Variants in ANKRD36C observed in about 807,000 individuals in gnomAD.
The protein encoded by ANKRD36C is ankyrin repeat domain 36C.
ANKRD36C carries 61 observed loss-of-function variants against 276.4 expected under a neutral mutation model. That is an observed-to-expected ratio of 0.22 (90% CI 0.18 to 0.27). The LOEUF (loss-of-function observed/expected upper bound fraction) is 0.27, where lower values mean the gene tolerates loss of function less well. ANKRD36C is among the 10% of genes least tolerant of loss of function. The probability of loss-of-function intolerance (pLI) is 1.00; values close to 1 mark genes in which losing one functional copy is unlikely to be tolerated. For missense variants in ANKRD36C, 1,447 were observed against 2,032.3 expected, an observed-to-expected ratio of 0.71 and a Z score of 5.54; for synonymous variants, 483 against 680.1, an observed-to-expected ratio of 0.71 and a Z score of 4.51.
chr2:95,927,157 G>A, intron 28 of ANKRD36C, 57 bp downstream of exon 28: 2 of 1,598,182 alleles, frequency 1.3e-6, no homozygotes, highest in Non-Finnish European at 8.5e-7. Context: ...TTCCAGGGAA[G>A]AGAAGTACTT....
At chr2:95,857,214 T>A in intron 62 of ANKRD36C, 95 bp downstream of exon 82, 1 of 1,379,846 alleles carries the variant, frequency 7.2e-7, no homozygotes, top group Non-Finnish European at 9.5e-7. Context: ...ATTTGGGGAT[T>A]GTTCAGGCCT....
At chr2:95,968,803 G>C (rs904980648) in intron 6 of ANKRD36C, among the ~76,000 whole-genome samples, 2 of 152,138 alleles carry the variant, frequency 1.3e-5, no homozygotes, top group Admixed American at 6.5e-5. Context: ...ACTTCAAGTT[G>C]GGTTTCCCAG....
chr2:95,971,414 G>T (rs182054603), intron 6 of ANKRD36C, among the ~76,000 whole-genome samples: 1 of 150,490 alleles, frequency 6.6e-6, no homozygotes, highest in Non-Finnish European at 1.5e-5. Context: ...AGCTATGCAT[G>T]TGAGGGGGGA....
chr2:95,888,239 G>A, intron 48 of ANKRD36C, 119 bp from the exon 69 acceptor site: 2 of 1,528,610 alleles, frequency 1.3e-6, no homozygotes, highest in Admixed American at 1.8e-5. Flanking sequence ...AGGCTTTGAT[G>A]TTTTCTACTT....
intron 3 of ANKRD36C, among the ~76,000 whole-genome samples, chr2:95,986,425 T>C (rs1040954753): frequency 2.6e-5 from 4 of 152,218 alleles, no homozygotes; most frequent in South Asian, 2.1e-4. Flanking sequence ...CCTGTGTCAC[T>C]TCACACTGAT....
At chr2:95,893,665 T>G in intron 44 of ANKRD36C, 31 bp downstream of exon 63, 1 of 1,601,394 alleles carries the variant, frequency 6.2e-7, no homozygotes, top group East Asian at 2.3e-5. Context: ...ATACATTAAC[T>G]CGTTCACAAT....
At chr2:95,961,351 C>A (rs185776969) in intron 8 of ANKRD36C, among the ~76,000 whole-genome samples, 1 of 152,070 alleles carries the variant, frequency 6.6e-6, no homozygotes, top group East Asian at 1.9e-4. Context: ...AATATATAAA[C>A]CTCATCAAAA....
At chr2:95,926,452 T>A (rs2104432478) in intron 28 of ANKRD36C, among the ~76,000 whole-genome samples, 1 of 151,786 alleles carries the variant, frequency 6.6e-6, no homozygotes, top group East Asian at 1.9e-4. Context: ...ATTAAATTGC[T>A]ATTTTTATCC....
chr2:95,966,850 T>G (rs1418515421), intron 6 of ANKRD36C, among the ~76,000 whole-genome samples: 1 of 152,200 alleles, frequency 6.6e-6, no homozygotes, highest in East Asian at 1.9e-4. Context: ...AGTGGTGGTT[T>G]GTAGTTCTCC....
chr2:95,863,433 A>T (rs1356861978), intron 60 of ANKRD36C, among the ~76,000 whole-genome samples: 1 of 152,184 alleles, frequency 6.6e-6, no homozygotes, highest in Non-Finnish European at 1.5e-5. Context: ...ATACAATTAT[A>T]CATAAACTCT....
chr2:95,966,482 G>A (rs1339090761), intron 6 of ANKRD36C, among the ~76,000 whole-genome samples: 4 of 152,054 alleles, frequency 2.6e-5, no homozygotes, highest in Non-Finnish European at 5.9e-5. Context: ...TCGATGTATG[G>A]CATTATTTCT....
At chr2:95,880,892 G>A (rs1676062511) in intron 56 of ANKRD36C, among the ~76,000 whole-genome samples, 1 of 152,148 alleles carries the variant, frequency 6.6e-6, no homozygotes, top group Admixed American at 6.5e-5. Context: ...TATCAATGTG[G>A]ATATACTGAT....
At chr2:95,973,014 G>A (rs1442391656) in intron 6 of ANKRD36C, among the ~76,000 whole-genome samples, 1 of 152,190 alleles carries the variant, frequency 6.6e-6, no homozygotes, top group East Asian at 1.9e-4. Flanking sequence ...AACGGCTGAG[G>A]CAGGAAGATT....
chr2:95,888,361 A>G (rs1328506226), intron 48 of ANKRD36C, among the ~76,000 whole-genome samples: 1 of 151,708 alleles, frequency 6.6e-6, no homozygotes, highest in African/African-American at 2.4e-5. Flanking sequence ...GTCCAAAACT[A>G]AAATAAAACC....
intron 30 of ANKRD36C, among the ~76,000 whole-genome samples, chr2:95,924,437 A>G (rs1466062597): frequency 6.6e-6 from 1 of 151,598 alleles, no homozygotes; most frequent in Non-Finnish European, 1.5e-5. Context: ...ATATTAATAA[A>G]CTTTTACGTT....
At chr2:95,879,487 G>A (rs1676027693) in intron 58 of ANKRD36C, among the ~76,000 whole-genome samples, 12 of 151,002 alleles carry the variant, frequency 7.9e-5, no homozygotes, top group Admixed American at 6.6e-4. Context: ...AACGCTTGAG[G>A]TGATGGATAA....
intron 6 of ANKRD36C, among the ~76,000 whole-genome samples, chr2:95,972,310 A>G (rs951029995): frequency 2.6e-5 from 4 of 152,324 alleles, no homozygotes; most frequent in East Asian, 3.9e-4. Flanking sequence ...CAGAATGCCT[A>G]TGTAACTAGT....
At chr2:95,876,679 G>A (rs1250420580) in intron 58 of ANKRD36C, among the ~76,000 whole-genome samples, 167 bp from the exon 79 acceptor site, 2 of 150,728 alleles carry the variant, frequency 1.3e-5, no homozygotes, top group African/African-American at 4.9e-5. Flanking sequence ...GTGAAACCCC[G>A]TCTCTACTAA....
rs186205261 is a variant in ANKRD36C, at chr2:95,856,619, C to A, written c.4081-439G>T. 5.5e-3 allele frequency among the ~76,000 whole-genome samples: 839 copies of A among 152,176 alleles called. 12 individuals are homozygous for A. Among genetic ancestry groups the A allele is most frequent in the African/African-American group, 0.019 (809 of 41,534 alleles). On this transcript the variant is annotated intron_variant, in intron 62 of 66. Transcript: ENST00000456556. ...TGACATTTTCCAAATTCTTTAAGTT[C>A]TCTTTTTCTAAAATATTGTATAGAT...
Sources: gnomAD v4.1 joint callset for allele counts (sites outside exome capture counted in the v4.1 genomes callset) on GRCh38, gnomAD v4.1.1 for gene constraint, MANE v1.5 for transcripts, NCBI Gene and HGNC (gene_info 2026-07-23, HGNC 2026-07-21) for gene names.